ATP1B2: variants seen among roughly 807,000 people sequenced by gnomAD.
ATP1B2 encodes ATPase Na+/K+ transporting subunit beta 2.
ATP1B2 carries 12 observed loss-of-function variants against 37.3 expected under a neutral mutation model. The ratio of observed to expected loss-of-function variants is 0.32; its 90% confidence interval spans 0.21 to 0.52. ATP1B2 has a LOEUF of 0.52. Ranked by LOEUF, ATP1B2 falls within the 20% of genes least tolerant of loss-of-function variation. The pLI is 0.96. For synonymous variants in ATP1B2, 139 were observed against 140.5 expected (o/e 0.99, Z 0.07); for missense variants, 324 against 391.6 (o/e 0.83, Z 1.46).
At chr17:7,648,952 T>C (rs2072591645), upstream of ATP1B2, among the ~76,000 whole-genome samples, 1 of 152,176 alleles carries the variant, frequency 6.6e-6, no homozygotes, top group Non-Finnish European at 1.5e-5. Context: ...TAGACTGTGC[T>C]TACTCCTGAC....
In ATP1B2 at chr17:7,654,867, C is replaced by G; in HGVS notation, c.609+183C>G. ...ACTGTAGCTTGAACTCCGAGGGCCC[C>G]GCACTCCTCTTGCTTCTCTCTGGGA... On this transcript the variant is annotated intron_variant, in intron 5 of 6. Transcript: ENST00000250111. The surrounding 1 kb of genome is among the most constrained non-coding windows in gnomAD (Gnocchi z 4.9). The G allele has an allele frequency of 1.6e-6, 1 of 632,616 alleles. No homozygotes were observed. Among genetic ancestry groups the G allele is most frequent in the Non-Finnish European group, 2.8e-6 (1 of 363,438 alleles). The allele number at this position is 632,616 out of a possible 1,614,324, so 39.2% of individuals were successfully genotyped here.
upstream of ATP1B2, among the ~76,000 whole-genome samples, chr17:7,649,533 A>G (rs113989258): frequency 0.021 from 2,849 of 136,364 alleles, 88 homozygotes; most frequent in African/African-American, 0.073. Flanking sequence ...GACTACAGGC[A>G]CCCACCACCA....
In ATP1B2 at chr17:7,651,459, G is replaced by A; in HGVS notation, c.-60G>A. The A allele has an allele frequency of 6.8e-7, 1 of 1,470,030 alleles. No homozygotes were observed. The highest frequency in any genetic ancestry group is 2.5e-5 in the East Asian group (1 of 40,296). 91.1% of individuals were successfully genotyped at this position (1,470,030 alleles called of 1,614,324 possible). A position where few individuals can be genotyped will look rare whatever the true frequency, so the allele number is the denominator to read the frequency against. ...GGGTGTGTGGAGGGCTTCAGCGCGC[G>A]GCGCCCCCGCTTCTCCGCAACCCCC... On this transcript the variant is annotated 5_prime_UTR_variant, in exon 1 of 7. Coordinates refer to ENST00000250111, the MANE Select transcript of ATP1B2 (RefSeq NM_001678.5).
At position 7,656,831 on chromosome 17, in the gene ATP1B2, C is replaced by CTTTTTTTTTT. The variant is rs201693108; in HGVS notation, c.*939_*940insTTTTTTTTTT. ...GCCACCATGCCCGGCTAATTTCTTT[C>CTTTTTTTTTT]TTTCTTTTTTTTTTTTTTTGCATTT... On this transcript the variant is annotated 3_prime_UTR_variant, in exon 7 of 7. Transcript: ENST00000250111. The CTTTTTTTTTT allele has an allele frequency of 1.6e-5, 2 of 123,478 alleles. No homozygotes were observed. Among genetic ancestry groups the CTTTTTTTTTT allele is most frequent in the Non-Finnish European group, 3.5e-5 (2 of 57,630 alleles). 7.6% of individuals were successfully genotyped at this position (123,478 alleles called of 1,614,324 possible).
rs2072652686 is a variant in ATP1B2 at position 7,656,382 on chromosome 17, T to C, written c.*487T>C. On this transcript the variant is annotated 3_prime_UTR_variant, in exon 7 of 7. Transcript: ENST00000250111. ...CTGGCCACCGTCCCTTGATCTCTCATACTTTCTCCCTGTCTACACAGTCGC... is the reference window on the plus strand; with the variant it reads ...CTGGCCACCGTCCCTTGATCTCTCACACTTTCTCCCTGTCTACACAGTCGC... 1.2e-5 allele frequency: 2 copies of C among 169,678 alleles called. No individual in the cohort carries two copies. The highest frequency in any genetic ancestry group is 5.6e-5 in the Admixed American group (1 of 17,782). The allele number at this position is 169,678 out of a possible 1,614,324, so 10.5% of individuals were successfully genotyped here.
At chr17:7,653,345 C>A (rs370134148) in intron 1 of ATP1B2, 29 bp from the exon 2 acceptor site, 29 of 1,613,254 alleles carry the variant, frequency 1.8e-5, no homozygotes, top group Non-Finnish European at 1.9e-5. Flanking sequence ...GAACCTTGGG[C>A]CCTGCTGACC....
intron 1 of ATP1B2, 63 bp from the exon 2 acceptor site, chr17:7,653,311 T>C: frequency 6.2e-7 from 1 of 1,607,660 alleles, no homozygotes; most frequent in Admixed American, 1.7e-5. Context: ...GAGGGGTGTG[T>C]GGGGATAGTT....
Position 7,655,822 on chromosome 17 carries a change from A to C in ATP1B2, c.800A>C (p.Asn267Thr). Reference protein sequence around the residue: ...VNVECRINAANIATDDERDKF... With the variant: ...VNVECRINAATIATDDERDKF... ...GTAGAATGTCGCATCAACGCCGCCA[A>C]CATCGCCACAGACGATGAGCGAGAC... The change falls in exon 7 of 7, where the codon AAC becomes ACC. Residue 267 changes from asparagine (N) to threonine (T), a missense_variant. Transcript: ENST00000250111. This position sits in a 1 kb window ranked among gnomAD's most constrained non-coding sequence, Gnocchi z 4.4. 6.2e-7 allele frequency: 1 copy of C among 1,614,110 alleles called. No individual in the cohort carries two copies. Among genetic ancestry groups the C allele is most frequent in the Non-Finnish European group, 8.5e-7 (1 of 1,180,026 alleles).
rs760037643 is a variant in ATP1B2 at position 7,654,816 on chromosome 17, G to A, written c.609+132G>A. On this transcript the variant is annotated intron_variant, in intron 5 of 6. Coordinates refer to ENST00000250111, the MANE Select transcript of ATP1B2 (RefSeq NM_001678.5). The surrounding 1 kb of genome is among the most constrained non-coding windows in gnomAD (Gnocchi z 4.9). ...GAGGCCCCATCACCATAGAAACAAG[G>A]GGGTAAGAGTGGGCTTTTGGGCTCC... is the stretch of plus-strand genomic sequence containing the variant. 87 of 1,091,524 alleles carry A rather than the reference G, an allele frequency of 8.0e-5. No individual in the cohort carries two copies. Among genetic ancestry groups the A allele is most frequent in the Non-Finnish European group, 1.1e-4 (79 of 738,958 alleles). The allele number at this position is 1,091,524 out of a possible 1,614,324, so 67.6% of individuals were successfully genotyped here.
In ATP1B2 at chr17:7,656,040, TCTC is replaced by T; in HGVS notation, c.*146_*148del. 8.8e-7 allele frequency: 1 copy of T among 1,138,042 alleles called. No individual in the cohort carries two copies. Among genetic ancestry groups the T allele is most frequent in the Non-Finnish European group, 1.2e-6 (1 of 817,132 alleles). 70.5% of individuals were successfully genotyped at this position (1,138,042 alleles called of 1,614,324 possible). On this transcript the variant is annotated 3_prime_UTR_variant, in exon 7 of 7. Coordinates refer to ENST00000250111, the MANE Select transcript of ATP1B2 (RefSeq NM_001678.5). ...GAGCCTCACATCCTTTTCCTTGACT[TCTC>T]AACCCAGCCTGAAGTCCATTGCGGT...
chr17:7,648,058 G>A (rs906777669), upstream of ATP1B2, among the ~76,000 whole-genome samples: 2 of 151,784 alleles, frequency 1.3e-5, no homozygotes, highest in Non-Finnish European at 2.9e-5. Flanking sequence ...TGGCCAACAC[G>A]GCAAAACCCT....
chr17:7,647,009 C>T (rs1350418861), upstream of ATP1B2, among the ~76,000 whole-genome samples: 2 of 151,704 alleles, frequency 1.3e-5, no homozygotes, highest in Admixed American at 6.6e-5. Context: ...TGGGCTACTC[C>T]CAGCTACTTA....
intron 1 of ATP1B2, among the ~76,000 whole-genome samples, chr17:7,652,009 A>G (rs537577174): frequency 1.3e-5 from 2 of 151,766 alleles, no homozygotes; most frequent in African/African-American, 2.4e-5. Flanking sequence ...AGCCCCGTCT[A>G]TTTTTAGCTC....
At chr17:7,649,324 T>A (rs2072594212), upstream of ATP1B2, among the ~76,000 whole-genome samples, 2 of 152,136 alleles carry the variant, frequency 1.3e-5, no homozygotes, top group South Asian at 4.1e-4. Flanking sequence ...TCCATTGGCC[T>A]CGGCCTCCTA....
chr17:7,650,471 C>T (rs775200988), upstream of ATP1B2, among the ~76,000 whole-genome samples: 3 of 152,064 alleles, frequency 2.0e-5, no homozygotes, highest in Admixed American at 6.5e-5. Context: ...CCTCCTGGCT[C>T]GGCCAGCCTC....
chr17:7,652,387 T>C (rs1414454784), intron 1 of ATP1B2, among the ~76,000 whole-genome samples: 1 of 151,186 alleles, frequency 6.6e-6, no homozygotes, highest in East Asian at 1.9e-4. Flanking sequence ...CAGGTGCAGG[T>C]GAGGGGTGGA....
Position 7,651,350 on chromosome 17 carries a change from T to A in ATP1B2, c.-169T>A, listed in dbSNP as rs752661255. ...CGCGCTGCCAGCACCCCGCAGCGCG[T>A]GGTCGTGCACCCCGGAATCTGCAGC... On this transcript the variant is annotated 5_prime_UTR_variant, in exon 1 of 7. Transcript: ENST00000250111. 1.3e-5 allele frequency: 8 copies of A among 615,552 alleles called. No homozygotes were observed. The highest frequency in any genetic ancestry group is 2.0e-5 in the Non-Finnish European group (7 of 349,636). The allele number at this position is 615,552 out of a possible 1,614,324, so 38.1% of individuals were successfully genotyped here. A position where few individuals can be genotyped will look rare whatever the true frequency, so the allele number is the denominator to read the frequency against.
Position 7,655,241 on chromosome 17 carries a change from G to T in ATP1B2, c.610-286G>T. The T allele has an allele frequency of 2.0e-6, 1 of 501,050 alleles. No individual in the cohort carries two copies. Among genetic ancestry groups the T allele is most frequent in the Non-Finnish European group, 3.6e-6 (1 of 281,562 alleles). The allele number at this position is 501,050 out of a possible 1,614,324, so 31.0% of individuals were successfully genotyped here. On this transcript the variant is annotated intron_variant, in intron 5 of 6. Transcript: ENST00000250111. This position sits in a 1 kb window ranked among gnomAD's most constrained non-coding sequence, Gnocchi z 4.4. Reference sequence around the variant, plus strand: ...CTTTCTTGGCTCTGCTCCAGAAACTGATTCCTGAGGATGGGGTAAGAACTT... The same window carrying T: ...CTTTCTTGGCTCTGCTCCAGAAACTTATTCCTGAGGATGGGGTAAGAACTT...
chr17:7,650,439 C>T (rs947986687), upstream of ATP1B2, among the ~76,000 whole-genome samples: 2 of 152,096 alleles, frequency 1.3e-5, no homozygotes, highest in Admixed American at 6.5e-5. Context: ...TTATCCATCT[C>T]TGCGGGGCCT....
Sources: allele counts gnomAD v4.1 joint callset (sites outside exome capture counted in the v4.1 genomes callset), GRCh38; gene constraint gnomAD v4.1.1; non-coding constraint Gnocchi (gnomAD v3.1); transcripts MANE v1.5; gene names NCBI Gene and HGNC (gene_info 2026-07-23, HGNC 2026-07-21).